CHRNB3: variants seen among roughly 807,000 people sequenced by gnomAD.
CHRNB3 encodes the protein cholinergic receptor nicotinic beta 3 subunit, also known as neuronal acetylcholine receptor subunit beta-3.
CHRNB3 carries 37 observed loss-of-function variants against 40.6 expected under a neutral mutation model. The observed-to-expected ratio is 0.91, with a 90% CI of 0.70 to 1.20. The LOEUF (loss-of-function observed/expected upper bound fraction) is 1.20. Ranked by LOEUF, CHRNB3 falls within the 50% of genes most tolerant of loss-of-function variation. The pLI, the probability that CHRNB3 is intolerant of heterozygous loss-of-function variation, is 0.00. For synonymous variants in CHRNB3, 207 were observed against 207.1 expected (o/e 1.00, Z 0.00); for missense variants, 505 against 551.2 (o/e 0.92, Z 0.84).
chr8:42,729,808 T>G (rs963581115), intron 3 of CHRNB3, among the ~76,000 whole-genome samples: 4 of 152,122 alleles, frequency 2.6e-5, no homozygotes, highest in African/African-American at 7.2e-5. Context: ...CCCTAAAATC[T>G]TTGTAATAGA....
intron 3 of CHRNB3, among the ~76,000 whole-genome samples, chr8:42,722,344 G>A (rs1447100273): frequency 6.6e-6 from 1 of 151,438 alleles, no homozygotes; most frequent in Non-Finnish European, 1.5e-5. Flanking sequence ...CAGCCTGGGC[G>A]ACAGAGTGAG....
chr8:42,714,680 A>G (rs1816071950), intron 3 of CHRNB3, among the ~76,000 whole-genome samples: 1 of 152,232 alleles, frequency 6.6e-6, no homozygotes, highest in Non-Finnish European at 1.5e-5. Context: ...GTACTTATTA[A>G]GTGCCCAGGC....
At chr8:42,718,693 A>T (rs1448043617) in intron 3 of CHRNB3, among the ~76,000 whole-genome samples, 1 of 120,602 alleles carries the variant, frequency 8.3e-6, no homozygotes, top group Admixed American at 8.8e-5. Flanking sequence ...AAAAAAAAAA[A>T]AAAAAAAGAA....
Position 42,731,682 on chromosome 8 carries a change from C to A in CHRNB3, c.375C>A (p.Phe125Leu). ...IVLFENADGR[F>L]EGSLMTKVIV... ...TTGATTGCAGTGCTGACGGCCGCTT[C>A]GAAGGCTCCCTGATGACCAAGGTCA... is the stretch of plus-strand genomic sequence containing the variant. The change falls in exon 5 of 6, where the codon TTC (phenylalanine) becomes TTA (leucine). Residue 125 changes from phenylalanine to leucine, a missense_variant. Physicochemically the swap from Phe to Leu is conservative, Grantham distance 22. Coordinates refer to ENST00000289957, the MANE Select transcript of CHRNB3 (RefSeq NM_000749.5). 4 of 1,607,850 alleles carry A rather than the reference C, an allele frequency of 2.5e-6. No homozygotes were observed. The highest frequency in any genetic ancestry group is 3.4e-6 in the Non-Finnish European group (4 of 1,176,610).
intron 3 of CHRNB3, among the ~76,000 whole-genome samples, chr8:42,715,941 G>C (rs990685974): frequency 6.6e-6 from 1 of 150,402 alleles, no homozygotes; most frequent in African/African-American, 2.4e-5. Context: ...GGAAAACGTG[G>C]AAAGCACCTT....
intron 1 of CHRNB3, chr8:42,705,535 A>G (rs1377553524): frequency 1.3e-5 from 2 of 152,282 alleles, no homozygotes; most frequent in Non-Finnish European, 2.9e-5. Flanking sequence ...ATCATGTTTG[A>G]TGCAGCAAGA....
chr8:42,734,970 C>T (rs1816495740), intron 5 of CHRNB3, among the ~76,000 whole-genome samples: 1 of 151,578 alleles, frequency 6.6e-6, no homozygotes, highest in African/African-American at 2.4e-5. Flanking sequence ...CCTGTAATCC[C>T]AGCACTTTGG....
chr8:42,697,554 C>G lies in CHRNB3; in HGVS notation c.8C>G (p.Pro3Arg), dbSNP rs1336825473. Reference protein sequence around the residue: MLPDFMLVLIVLG... With the variant: MLRDFMLVLIVLG... ...TCTGAAACTGACATCACGATGCTCC[C>G]AGATTTTATGCTGGTTCTCATCGTC... The change falls in exon 1 of 6, where the codon CCA (proline) becomes CGA (arginine). Residue 3 changes from proline (P) to arginine (R), a missense_variant. Physicochemically the swap from Pro to Arg is moderately radical, Grantham distance 103 (BLOSUM62 -2). Coordinates refer to ENST00000289957, the MANE Select transcript of CHRNB3 (RefSeq NM_000749.5). The G allele has an allele frequency of 6.2e-7, 1 of 1,613,278 alleles. No homozygotes were observed. Among genetic ancestry groups the G allele is most frequent in the Non-Finnish European group, 8.5e-7 (1 of 1,179,434 alleles).
chr8:42,697,711 A>G, intron 1 of CHRNB3, 113 bp downstream of exon 1: 4 of 801,694 alleles, frequency 5.0e-6, no homozygotes, highest in Non-Finnish European at 8.5e-6. Flanking sequence ...CACAAGATAC[A>G]TTTAGGATAA....
At chr8:42,729,359 G>A (rs1421669351) in intron 3 of CHRNB3, among the ~76,000 whole-genome samples, 1 of 151,586 alleles carries the variant, frequency 6.6e-6, no homozygotes, top group Non-Finnish European at 1.5e-5. Flanking sequence ...GCAGTGAGCC[G>A]AGATCACACC....
At chr8:42,709,551 A>AAGAAGG (rs1815977857) in intron 2 of CHRNB3, among the ~76,000 whole-genome samples, 2 of 152,096 alleles carry the variant, frequency 1.3e-5, no homozygotes, top group Non-Finnish European at 2.9e-5. Flanking sequence ...GGCTGGCTCA[A>AAGAAGG]TACCCCAGGA....
At chr8:42,716,825 C>G (rs1816117604) in intron 3 of CHRNB3, among the ~76,000 whole-genome samples, 1 of 152,070 alleles carries the variant, frequency 6.6e-6, no homozygotes, top group African/African-American at 2.4e-5. Flanking sequence ...AGGCCCTGAG[C>G]TGGGCGCTGT....
rs78682427 is a variant in CHRNB3 at position 42,736,490 on chromosome 8, C to G, written c.1249C>G (p.Gln417Glu). 1 of 1,614,164 alleles carries G rather than the reference C, an allele frequency of 6.2e-7. No homozygotes were observed. Among genetic ancestry groups the G allele is most frequent in the Non-Finnish European group, 8.5e-7 (1 of 1,180,036 alleles). ...KKEHFISQVV[Q>E]DWKFVAQVLD... ...ATCTTTTTCTCTTTTGCAGGTAGTACAAGACTGGAAATTTGTAGCTCAAGT... is the reference window on the plus strand; with the variant it reads ...ATCTTTTTCTCTTTTGCAGGTAGTAGAAGACTGGAAATTTGTAGCTCAAGT... Residue 417 changes from glutamine (Q) to glutamate (E), a missense_variant, in exon 6 of 6, where the codon CAA becomes GAA. By Grantham distance (29) the Gln-to-Glu change is conservative. Transcript: ENST00000289957.
chr8:42,728,889 G>T (rs946457138), intron 3 of CHRNB3, among the ~76,000 whole-genome samples: 1 of 152,146 alleles, frequency 6.6e-6, no homozygotes, highest in African/African-American at 2.4e-5. Context: ...AAATGCTACT[G>T]TAAGTGAGTT....
intron 4 of CHRNB3, among the ~76,000 whole-genome samples, chr8:42,730,913 T>TG (rs1405356830): frequency 6.8e-6 from 1 of 146,770 alleles, no homozygotes; most frequent in Non-Finnish European, 1.5e-5. Flanking sequence ...CCGGGCGCGG[T>TG]GGCGGGCGCC....
At chr8:42,708,416 A>C (rs1032070152) in intron 1 of CHRNB3, among the ~76,000 whole-genome samples, 4 of 152,068 alleles carry the variant, frequency 2.6e-5, no homozygotes, top group African/African-American at 9.7e-5. Context: ...CAGTGAGCCG[A>C]GATCGCGCCA....
intron 1 of CHRNB3, among the ~76,000 whole-genome samples, chr8:42,699,679 C>T (rs1421322632): frequency 1.3e-5 from 2 of 152,042 alleles, no homozygotes; most frequent in South Asian, 2.1e-4. Flanking sequence ...AGAATCGAAT[C>T]GCTTGAACCT....
chr8:42,734,777 C>T (rs1816492800), intron 5 of CHRNB3, among the ~76,000 whole-genome samples: 1 of 152,022 alleles, frequency 6.6e-6, no homozygotes, highest in Admixed American at 6.6e-5. Flanking sequence ...GACACTGCCT[C>T]ATATGTCCTC....
intron 4 of CHRNB3, among the ~76,000 whole-genome samples, 181 bp downstream of exon 4, chr8:42,730,884 T>C (rs1012895448): frequency 8.9e-5 from 13 of 146,632 alleles, no homozygotes; most frequent in African/African-American, 3.3e-4. Flanking sequence ...CCGTCTCTAC[T>C]AAAAATACAA....
Sources: gnomAD v4.1 joint callset for allele counts (sites outside exome capture counted in the v4.1 genomes callset) on GRCh38, gnomAD v4.1.1 for gene constraint, MANE v1.5 for transcripts, NCBI Gene and HGNC (gene_info 2026-07-23, HGNC 2026-07-21) for gene names.